The following PLCB4 variants were observed in gnomAD, a reference collection of about 807,000 sequenced individuals.
The protein encoded by PLCB4 is 1-phosphatidylinositol 4,5-bisphosphate phosphodiesterase beta-4.
In PLCB4, 77 loss-of-function variants were observed where a neutral mutation model predicts 178.8. The ratio of observed to expected loss-of-function variants is 0.43; its 90% CI spans 0.36 to 0.52. PLCB4 has a LOEUF of 0.52. Among genes scored for constraint, PLCB4 ranks in the 20% least tolerant of loss-of-function variants. PLCB4 has a pLI of 0.00. For missense variants in PLCB4, 1,024 were observed against 1,453.4 expected (o/e 0.70, Z 4.80); for synonymous variants, 496 against 490.8 (o/e 1.01, Z -0.14).
chr20:9,370,679 G>C (rs939358889), intron 9 of PLCB4, among the ~76,000 whole-genome samples: 1 of 152,016 alleles, frequency 6.6e-6, no homozygotes, highest in Admixed American at 6.6e-5. Flanking sequence ...AGGCCGAGGT[G>C]GGTGGATCAC....
chr20:9,080,956 G>A (rs369351670), intron 1 of PLCB4, among the ~76,000 whole-genome samples: 9 of 152,170 alleles, frequency 5.9e-5, no homozygotes, highest in Middle Eastern at 3.4e-3. Context: ...CTTCATTTTT[G>A]TTCACTTTTC....
At chr20:9,472,747 A>C (rs1222880875) in intron 36 of PLCB4, 43 bp from the exon 37 acceptor site, 1 of 1,180,766 alleles carries the variant, frequency 8.5e-7, no homozygotes. Flanking sequence ...TATTAATTTC[A>C]TTCAATGTCA....
At chr20:9,173,550 G>A (rs887753683) in intron 2 of PLCB4, among the ~76,000 whole-genome samples, 1 of 152,130 alleles carries the variant, frequency 6.6e-6, no homozygotes, top group Non-Finnish European at 1.5e-5. Context: ...CTGCAGGACC[G>A]TGTTTTTTCT....
chr20:9,112,887 T>TTTC (rs1359206488), intron 2 of PLCB4, among the ~76,000 whole-genome samples: 1 of 151,452 alleles, frequency 6.6e-6, no homozygotes, highest in African/African-American at 2.4e-5. Context: ...TCTTGCCCTT[T>TTTC]TTAAAAAAAA....
At chr20:9,115,122 A>T (rs1407221915) in intron 2 of PLCB4, among the ~76,000 whole-genome samples, 1 of 152,064 alleles carries the variant, frequency 6.6e-6, no homozygotes, top group East Asian at 1.9e-4. Context: ...TTCTCTAGTT[A>T]CTTCCTTATT....
At chr20:9,465,098 C>A (rs941653317) in intron 35 of PLCB4, among the ~76,000 whole-genome samples, 10 of 152,168 alleles carry the variant, frequency 6.6e-5, no homozygotes, top group African/African-American at 9.7e-5. Context: ...ATGATCATGT[C>A]GGCTTCATCC....
intron 7 of PLCB4, among the ~76,000 whole-genome samples, chr20:9,360,342 C>T (rs150948693): frequency 2.4e-4 from 36 of 152,228 alleles, no homozygotes; most frequent in African/African-American, 8.4e-4. Context: ...TCCTTGCCAG[C>T]GTTGTATGTT....
intron 7 of PLCB4, among the ~76,000 whole-genome samples, chr20:9,340,008 A>G (rs904710089): frequency 6.6e-6 from 1 of 152,116 alleles, no homozygotes; most frequent in Non-Finnish European, 1.5e-5. Flanking sequence ...TTCACTTTCC[A>G]TGGCAGAAAC....
chr20:9,257,217 T>C (rs1255632928), intron 3 of PLCB4, among the ~76,000 whole-genome samples: 3 of 152,220 alleles, frequency 2.0e-5, no homozygotes, highest in Non-Finnish European at 2.9e-5. Flanking sequence ...TGCTCTTTCT[T>C]TGGTGTAGAC....
chr20:9,340,314 C>G (rs2033036449), intron 7 of PLCB4, among the ~76,000 whole-genome samples: 1 of 152,130 alleles, frequency 6.6e-6, no homozygotes, highest in South Asian at 2.1e-4. Flanking sequence ...AAGTATGGTC[C>G]TCATTCCAGA....
intron 7 of PLCB4, among the ~76,000 whole-genome samples, chr20:9,344,894 C>A (rs1177078856): frequency 6.6e-6 from 1 of 152,182 alleles, no homozygotes; most frequent in Admixed American, 6.5e-5. Context: ...TAAACAACTG[C>A]CTGTTAAAAA....
rs192464446 is a variant in PLCB4, at chr20:9,171,132, G to T, written c.-78-46258G>T. Among the ~76,000 whole-genome samples, 825 of 152,100 alleles carry T rather than the reference G, an allele frequency of 5.4e-3. 4 individuals carry two copies. The highest frequency in any genetic ancestry group is 0.014 in the African/African-American group (591 of 41,488). ...ATTCACACCTTGACATAGTTTTTTT[G>T]TGTGTGTGTGAATATGATTTATAAA... On this transcript the variant is annotated intron_variant, in intron 2 of 39. Coordinates refer to ENST00000378473, the MANE Select transcript of PLCB4 (RefSeq NM_001377142.1).
At chr20:9,204,186 T>C (rs2093587587) in intron 2 of PLCB4, among the ~76,000 whole-genome samples, 1 of 152,010 alleles carries the variant, frequency 6.6e-6, no homozygotes, top group South Asian at 2.1e-4. Flanking sequence ...AGTCGTTGAG[T>C]CGTTGAGCCC....
At chr20:9,385,283 G>T (rs913307290) in intron 14 of PLCB4, among the ~76,000 whole-genome samples, 1 of 151,846 alleles carries the variant, frequency 6.6e-6, no homozygotes, top group Non-Finnish European at 1.5e-5. Context: ...CGACAAAACC[G>T]CCATCGTCAT....
intron 9 of PLCB4, 127 bp from the exon 10 acceptor site, chr20:9,371,087 G>A: frequency 1.5e-6 from 1 of 679,880 alleles, no homozygotes; most frequent in Admixed American, 2.2e-5. Context: ...TCTGCAATGA[G>A]AGGTAATTTT....
intron 2 of PLCB4, among the ~76,000 whole-genome samples, chr20:9,192,638 C>T (rs2093420224): frequency 6.7e-6 from 1 of 149,742 alleles, no homozygotes; most frequent in Non-Finnish European, 1.5e-5. Flanking sequence ...ATAGGGAGGC[C>T]CTGTCTCTAC....
At chr20:9,358,824 G>A (rs2035068965) in intron 7 of PLCB4, among the ~76,000 whole-genome samples, 1 of 151,776 alleles carries the variant, frequency 6.6e-6, no homozygotes, top group African/African-American at 2.4e-5. Context: ...GCTTGAACCT[G>A]GGAGGTAGAG....
intron 2 of PLCB4, among the ~76,000 whole-genome samples, chr20:9,140,665 A>G (rs920789693): frequency 1.3e-5 from 2 of 151,938 alleles, no homozygotes; most frequent in Admixed American, 6.6e-5. Context: ...GTGGTTTAAA[A>G]GAGCCTGGCA....
chr20:9,471,857 A>C (rs994433499), intron 36 of PLCB4, among the ~76,000 whole-genome samples: 2 of 152,200 alleles, frequency 1.3e-5, no homozygotes, highest in African/African-American at 2.4e-5. Flanking sequence ...CTGCCAAGTG[A>C]CAAGTCTGAG....
Sources: gnomAD v4.1 joint callset for allele counts (sites outside exome capture counted in the v4.1 genomes callset) on GRCh38, gnomAD v4.1.1 for gene constraint, MANE v1.5 for transcripts, NCBI Gene and HGNC (gene_info 2026-07-23, HGNC 2026-07-21) for gene names.